Variants in ST18 observed in about 807,000 individuals in gnomAD.
ST18 encodes the protein suppression of tumorigenicity 18 protein.
A neutral mutation model predicts 110.0 loss-of-function variants in ST18; 50 were observed. The ratio of observed to expected loss-of-function variants is 0.45; its 90% CI spans 0.36 to 0.58. The LOEUF (loss-of-function observed/expected upper bound fraction) is 0.58, where lower values mean the gene tolerates loss of function less well. ST18 is among the 20% of genes least tolerant of loss of function. ST18 has a pLI of 0.00. For missense variants in ST18, 1,306 were observed against 1,280.1 expected (o/e 1.02, Z -0.31); for synonymous variants, 461 against 452.4 (o/e 1.02, Z -0.24).
intron 13 of ST18, among the ~76,000 whole-genome samples, chr8:52,162,194 G>C (rs919424671): frequency 3.4e-5 from 5 of 148,378 alleles, no homozygotes; most frequent in African/African-American, 1.3e-4. Context: ...CTGGGAGACA[G>C]AGCAAGACTC....
intron 2 of ST18, among the ~76,000 whole-genome samples, chr8:52,358,598 A>T (rs557253855): frequency 1.3e-5 from 2 of 152,020 alleles, no homozygotes; most frequent in Non-Finnish European, 2.9e-5. Flanking sequence ...GATAACCTCA[A>T]TGAAATGGAA....
intron 8 of ST18, among the ~76,000 whole-genome samples, chr8:52,209,579 C>T (rs990497343): frequency 2.0e-5 from 3 of 151,490 alleles, no homozygotes; most frequent in African/African-American, 2.4e-5. Flanking sequence ...CGAGACCAGC[C>T]GGACCAACAT....
rs73583975 is a variant in ST18 at position 52,128,566 on chromosome 8, A to G, written c.2667-2426T>C. ...AGCAAGGTTTGAAGGTAGTTATTAT[A>G]TAAATATAATATGGATATAGTGTGT... On this transcript the variant is annotated intron_variant, in intron 22 of 25. Coordinates refer to ENST00000689386, the MANE Select transcript of ST18 (RefSeq NM_001352837.2). 3.4e-3 allele frequency among the ~76,000 whole-genome samples: 523 copies of G among 152,318 alleles called. 2 individuals carry two copies. The highest frequency in any genetic ancestry group is 0.012 in the African/African-American group (496 of 41,564).
In ST18 at chr8:52,152,149, C is replaced by CGGCTCACTGG. The variant is rs553466114; in HGVS notation, c.1807-2182_1807-2173dup. Among the ~76,000 whole-genome samples the CGGCTCACTGG allele has an allele frequency of 4.7e-3, 719 of 152,288 alleles. 4 individuals are homozygous for CGGCTCACTGG. The highest frequency in any genetic ancestry group is 6.9e-3 in the Non-Finnish European group (470 of 68,024). On this transcript the variant is annotated intron_variant, in intron 15 of 25. Transcript: ENST00000689386. The stretch of plus-strand genomic sequence containing the variant: ...CCTGACTTCACTGGGAGAGAGCGGG[C>CGGCTCACTGG]GGCTCACTGGGGAGCAGGGTACAGA...
intron 2 of ST18, among the ~76,000 whole-genome samples, chr8:52,298,216 A>G (rs2095663424): frequency 6.6e-6 from 1 of 152,222 alleles, no homozygotes; most frequent in Admixed American, 6.5e-5. Flanking sequence ...GAGTGCAGTT[A>G]TTGGCTCAAA....
At chr8:52,322,062 C>T (rs545376711) in intron 2 of ST18, among the ~76,000 whole-genome samples, 2 of 152,334 alleles carry the variant, frequency 1.3e-5, no homozygotes, top group African/African-American at 4.8e-5. Context: ...CAATACAATG[C>T]TGCCTTCTTG....
intron 2 of ST18, among the ~76,000 whole-genome samples, chr8:52,376,886 T>C (rs926221418): frequency 6.6e-6 from 1 of 152,236 alleles, no homozygotes; most frequent in Non-Finnish European, 1.5e-5. Flanking sequence ...TCAGTCAATT[T>C]GGACTTTGAT....
chr8:52,340,544 T>C (rs1814455174), intron 2 of ST18, among the ~76,000 whole-genome samples: 1 of 152,236 alleles, frequency 6.6e-6, no homozygotes, highest in African/African-American at 2.4e-5. Flanking sequence ...TCATCATGTG[T>C]CAGTGGCCTG....
chr8:52,371,888 C>T (rs1024689693), intron 2 of ST18, among the ~76,000 whole-genome samples: 1 of 152,180 alleles, frequency 6.6e-6, no homozygotes, highest in Non-Finnish European at 1.5e-5. Context: ...CTGTTATATA[C>T]AGTCTATAAT....
intron 2 of ST18, among the ~76,000 whole-genome samples, chr8:52,373,521 C>G (rs959199684): frequency 2.6e-5 from 4 of 151,922 alleles, no homozygotes; most frequent in African/African-American, 9.7e-5. Flanking sequence ...TTCTCAGGAG[C>G]TCCTTCCCAG....
chr8:52,165,717 G>C (rs1438847930), intron 11 of ST18, among the ~76,000 whole-genome samples: 3 of 152,346 alleles, frequency 2.0e-5, no homozygotes, highest in African/African-American at 7.2e-5. Context: ...ATGGTTGAGC[G>C]AAGAGCCAGA....
At chr8:52,160,885 T>G (rs2061281551) in intron 14 of ST18, among the ~76,000 whole-genome samples, 2 of 152,366 alleles carry the variant, frequency 1.3e-5, no homozygotes, top group South Asian at 4.1e-4. Context: ...AAATCCTGAC[T>G]TTCAAATTGT....
chr8:52,314,291 C>A (rs988081957), intron 2 of ST18, among the ~76,000 whole-genome samples: 2 of 152,158 alleles, frequency 1.3e-5, no homozygotes, highest in Non-Finnish European at 2.9e-5. Flanking sequence ...GACTGTGTGC[C>A]GCTGGTTGGG....
intron 16 of ST18, among the ~76,000 whole-genome samples, chr8:52,145,095 G>C (rs956072115): frequency 2.0e-5 from 3 of 150,120 alleles, no homozygotes; most frequent in African/African-American, 2.5e-5. Context: ...AAAGTAAAAA[G>C]AGCCATTTTA....
At chr8:52,292,501 C>T (rs986623231) in intron 2 of ST18, among the ~76,000 whole-genome samples, 7 of 152,198 alleles carry the variant, frequency 4.6e-5, no homozygotes, top group African/African-American at 1.7e-4. Context: ...CAAGTATATG[C>T]ACCTAATGCC....
chr8:52,286,968 G>T (rs2095480716), intron 2 of ST18, among the ~76,000 whole-genome samples: 1 of 151,984 alleles, frequency 6.6e-6, no homozygotes, highest in South Asian at 2.1e-4. Context: ...GCTCAAGTTT[G>T]AAAACCACTG....
rs753697046 is a variant in ST18 at position 52,130,062 on chromosome 8, AAGAG to A, written c.2666+1892_2666+1895del. Among the ~76,000 whole-genome samples the A allele has an allele frequency of 4.3e-3, 604 of 141,324 alleles. 2 individuals are homozygous for A. Among genetic ancestry groups the A allele is most frequent in the African/African-American group, 0.011 (389 of 36,672 alleles). 92.7% of individuals were successfully genotyped at this position (141,324 alleles called of 152,430 possible). ...CTCTGTTTCAAAAAAGAAAGAAAGAAAGAGAGAGAGAGAGAGAGAGAGAAAGAAA... is the reference window on the plus strand; with the variant it reads ...CTCTGTTTCAAAAAAGAAAGAAAGAAAGAGAGAGAGAGAGAGAGAAAGAAA... On this transcript the variant is annotated intron_variant, in intron 22 of 25. Coordinates refer to ENST00000689386, the MANE Select transcript of ST18 (RefSeq NM_001352837.2).
intron 8 of ST18, among the ~76,000 whole-genome samples, chr8:52,181,434 A>G (rs936569604): frequency 6.6e-6 from 1 of 152,240 alleles, no homozygotes; most frequent in Non-Finnish European, 1.5e-5. Context: ...TAGGTTCAAA[A>G]ACTTCCAATG....
chr8:52,182,868 A>T (rs7818192), intron 8 of ST18, among the ~76,000 whole-genome samples: 1 of 151,996 alleles, frequency 6.6e-6, no homozygotes, highest in African/African-American at 2.4e-5. Flanking sequence ...ATGAGACCTC[A>T]GGTGGCAGGG....
Sources: gnomAD v4.1 joint callset for allele counts (sites outside exome capture counted in the v4.1 genomes callset) on GRCh38, gnomAD v4.1.1 for gene constraint, MANE v1.5 for transcripts, NCBI Gene and HGNC (gene_info 2026-07-23, HGNC 2026-07-21) for gene names.